PRKG1: variants seen among roughly 807,000 people sequenced by gnomAD.
PRKG1 encodes the protein protein kinase cGMP-dependent 1, also known as cGMP-dependent protein kinase 1.
Under a neutral mutation model 88.1 loss-of-function variants are expected in PRKG1, and 35 were observed. The ratio of observed to expected loss-of-function variants is 0.40; its 90% CI spans 0.30 to 0.53. The LOEUF (loss-of-function observed/expected upper bound fraction) is 0.53, where lower values mean the gene tolerates loss of function less well. Ranked by LOEUF, PRKG1 falls within the 20% of genes least tolerant of loss-of-function variation. The probability of loss-of-function intolerance (pLI) is 0.59; values close to 1 mark genes in which losing one functional copy is unlikely to be tolerated. For synonymous variants in PRKG1, 303 were observed against 292.5 expected, an observed-to-expected ratio of 1.04 and a Z score of -0.37; for missense variants, 540 against 839.8, an observed-to-expected ratio of 0.64 and a Z score of 4.41.
intron 5 of PRKG1, among the ~76,000 whole-genome samples, chr10:51,985,833 T>C (rs941156817): frequency 1.3e-5 from 2 of 152,296 alleles, no homozygotes; most frequent in Admixed American, 6.5e-5. Context: ...CAGATGTTCC[T>C]CCATTTACAA....
At chr10:51,325,524 G>A (rs750672623) in intron 2 of PRKG1, among the ~76,000 whole-genome samples, 6 of 152,160 alleles carry the variant, frequency 3.9e-5, no homozygotes, top group Non-Finnish European at 7.4e-5. Flanking sequence ...TGTATCCCTT[G>A]TCAGATGGAT....
At chr10:51,112,278 A>T (rs931884286) in intron 1 of PRKG1, among the ~76,000 whole-genome samples, 1 of 152,214 alleles carries the variant, frequency 6.6e-6, no homozygotes, top group East Asian at 1.9e-4. Context: ...CTGTAAACCA[A>T]ACTTTACCAT....
intron 4 of PRKG1, among the ~76,000 whole-genome samples, chr10:51,843,093 C>CTTTTTTTT (rs1167219822): frequency 0.015 from 1,307 of 87,828 alleles, 54 homozygotes; most frequent in Non-Finnish European, 0.022. Flanking sequence ...GAAAATTATT[C>CTTTTTTTT]TTTTTTTTTT....
At chr10:51,858,058 ATATG>A (rs1225885488) in intron 4 of PRKG1, among the ~76,000 whole-genome samples, 1 of 91,778 alleles carries the variant, frequency 1.1e-5, no homozygotes, top group East Asian at 3.1e-4. Context: ...AAGGAAATAT[ATATG>A]CATATTATAC....
chr10:51,895,573 A>C (rs1841824596), intron 4 of PRKG1, among the ~76,000 whole-genome samples: 2 of 152,154 alleles, frequency 1.3e-5, no homozygotes, highest in South Asian at 4.1e-4. Context: ...CTGCACCGGG[A>C]ACCAGAGTCC....
At chr10:51,389,784 A>G (rs1005877423) in intron 2 of PRKG1, among the ~76,000 whole-genome samples, 5 of 152,176 alleles carry the variant, frequency 3.3e-5, no homozygotes, top group African/African-American at 9.7e-5. Context: ...TGATAAGGGA[A>G]CAAGAACATC....
intron 3 of PRKG1, among the ~76,000 whole-genome samples, chr10:51,664,924 A>T (rs780987893): frequency 1.3e-5 from 2 of 152,160 alleles, no homozygotes; most frequent in Non-Finnish European, 2.9e-5. Context: ...CATTATTGTT[A>T]TAAGAGTATG....
chr10:52,144,152 G>A (rs1293960683), intron 8 of PRKG1, among the ~76,000 whole-genome samples: 1 of 152,108 alleles, frequency 6.6e-6, no homozygotes, highest in Non-Finnish European at 1.5e-5. Flanking sequence ...GCTGAGGGAA[G>A]GACCTGTATA....
intron 4 of PRKG1, among the ~76,000 whole-genome samples, chr10:51,884,444 CAAAAAAA>C (rs57229967): frequency 3.4e-4 from 24 of 70,028 alleles, no homozygotes; most frequent in East Asian, 2.0e-3. Flanking sequence ...AACTCCGTCT[CAAAAAAA>C]AAAAAAAAAA....
At chr10:51,768,588 C>T (rs1475065411) in intron 3 of PRKG1, among the ~76,000 whole-genome samples, 1 of 152,018 alleles carries the variant, frequency 6.6e-6, no homozygotes, top group Non-Finnish European at 1.5e-5. Flanking sequence ...TCAGTAAGTG[C>T]TAGGATTGAG....
intron 4 of PRKG1, among the ~76,000 whole-genome samples, chr10:51,900,173 T>A (rs1222035563): frequency 6.6e-6 from 1 of 152,176 alleles, no homozygotes; most frequent in Non-Finnish European, 1.5e-5. Context: ...TATCTTCTTC[T>A]GCATTCAATC....
chr10:51,009,094 C>T (rs1021472509), intron 1 of PRKG1, among the ~76,000 whole-genome samples: 27 of 152,136 alleles, frequency 1.8e-4, no homozygotes, highest in African/African-American at 6.0e-4. Context: ...GAGACAACTT[C>T]TGTAGACTGT....
At chr10:51,016,673 C>CTTCTTTCTTTTT (rs1564571435) in intron 1 of PRKG1, among the ~76,000 whole-genome samples, 7 of 35,182 alleles carry the variant, frequency 2.0e-4, no homozygotes, top group African/African-American at 4.2e-4. Flanking sequence ...ATTATCCTTT[C>CTTCTTTCTTTTT]TTTTTTTTTT....
intron 3 of PRKG1, among the ~76,000 whole-genome samples, chr10:51,606,937 G>T (rs80326930): frequency 0.055 from 8,380 of 152,024 alleles, 261 homozygotes; most frequent in Middle Eastern, 0.088. Context: ...ATTTTCTTGG[G>T]TGTTGTTGCA....
At chr10:51,932,091 A>G (rs900412691) in intron 5 of PRKG1, among the ~76,000 whole-genome samples, 4 of 152,116 alleles carry the variant, frequency 2.6e-5, no homozygotes, top group Middle Eastern at 3.2e-3. Flanking sequence ...TTAATGTAAC[A>G]TTATAAATCA....
At chr10:51,821,681 CTA>C (rs1283189407) in intron 4 of PRKG1, among the ~76,000 whole-genome samples, 3 of 125,150 alleles carry the variant, frequency 2.4e-5, no homozygotes, top group African/African-American at 1.2e-4. Context: ...CTGTATTGAC[CTA>C]TATATATTGA....
chr10:51,604,882 T>C (rs763765292), intron 3 of PRKG1, among the ~76,000 whole-genome samples: 2 of 152,230 alleles, frequency 1.3e-5, no homozygotes, highest in Admixed American at 6.5e-5. Flanking sequence ...GTCAGCTCAA[T>C]AGACCCTCTG....
intron 8 of PRKG1, among the ~76,000 whole-genome samples, chr10:52,138,938 T>G (rs1334767977): frequency 6.6e-6 from 1 of 152,088 alleles, no homozygotes; most frequent in African/African-American, 2.4e-5. Context: ...AAGATCAAGG[T>G]TGATCCCAAG....
chr10:51,035,989 T>A (rs1268302107), intron 1 of PRKG1, among the ~76,000 whole-genome samples: 2 of 152,168 alleles, frequency 1.3e-5, no homozygotes, highest in Admixed American at 6.6e-5. Context: ...AATTACATAG[T>A]CTTCTGAAAC....
Sources: allele counts gnomAD v4.1 joint callset (sites outside exome capture counted in the v4.1 genomes callset), GRCh38; gene constraint gnomAD v4.1.1; transcripts MANE v1.5; gene names NCBI Gene and HGNC (gene_info 2026-07-23, HGNC 2026-07-21).